The following WWOX variants were observed in gnomAD, a reference collection of about 807,000 sequenced individuals.
The protein encoded by WWOX is WW domain containing oxidoreductase, also known as WW domain-containing oxidoreductase.
A neutral mutation model predicts 46.2 loss-of-function variants in WWOX; 69 were observed. That is an observed-to-expected ratio of 1.49 (90% CI 1.23 to 1.82). WWOX has a LOEUF of 1.82. Ranked by LOEUF, WWOX falls within the 40% of genes most tolerant of loss-of-function variation. WWOX has a pLI of 0.00. For synonymous variants in WWOX, 359 were observed against 202.6 expected (o/e 1.77, Z -6.56); for missense variants, 919 against 542.6 (o/e 1.69, Z -6.89).
At position 78,344,085 on chromosome 16, in the gene WWOX, C is replaced by A. The variant is rs1018974629; in HGVS notation, c.517-42775C>A. ...GTTCCAGAATGCCATTATTCTTCGTCACCACGGTCAGGTATATCATCCTAA... is the reference window on the plus strand; with the variant it reads ...GTTCCAGAATGCCATTATTCTTCGTAACCACGGTCAGGTATATCATCCTAA... On this transcript the variant is annotated intron_variant, in intron 5 of 8. Transcript: ENST00000566780. Among the ~76,000 whole-genome samples, 2 of 118,984 alleles carry A rather than the reference C, an allele frequency of 1.7e-5. 1 individual carries two copies. Among genetic ancestry groups the A allele is most frequent in the Admixed American group, 1.7e-4 (2 of 12,084 alleles). The allele number at this position is 118,984 out of a possible 152,430, so 78.1% of individuals were successfully genotyped here. A position where few individuals can be genotyped will look rare whatever the true frequency, so the allele number is the denominator to read the frequency against.
intron 8 of WWOX, among the ~76,000 whole-genome samples, chr16:78,640,647 A>G (rs890522097): frequency 1.3e-5 from 2 of 152,184 alleles, no homozygotes; most frequent in African/African-American, 2.4e-5. Context: ...AGTTGGTGAA[A>G]GAAAGAAGGG....
intron 5 of WWOX, chr16:78,168,325 C>G (rs1477216056): frequency 6.6e-6 from 1 of 152,204 alleles, no homozygotes; most frequent in Non-Finnish European, 1.5e-5. Context: ...GAATGCTATT[C>G]TCACATCCAC....
intron 8 of WWOX, among the ~76,000 whole-genome samples, chr16:78,930,086 C>T (rs945487240): frequency 6.6e-6 from 1 of 152,042 alleles, no homozygotes; most frequent in Non-Finnish European, 1.5e-5. Flanking sequence ...GCCTTCTTCA[C>T]ACTCCTCCTT....
chr16:79,145,064 T>C (rs571775411), intron 8 of WWOX, among the ~76,000 whole-genome samples: 162 of 152,328 alleles, frequency 1.1e-3, no homozygotes, highest in Non-Finnish European at 1.5e-3. Context: ...AGCGCGTTCT[T>C]GGATTTTGTT....
At chr16:78,402,805 C>G (rs896544660) in intron 6 of WWOX, among the ~76,000 whole-genome samples, 2 of 152,202 alleles carry the variant, frequency 1.3e-5, no homozygotes, top group Admixed American at 6.5e-5. Context: ...GGAAATAATT[C>G]TAACCAATCA....
At chr16:78,822,262 G>A (rs1176852176) in intron 8 of WWOX, among the ~76,000 whole-genome samples, 1 of 152,180 alleles carries the variant, frequency 6.6e-6, no homozygotes, top group Non-Finnish European at 1.5e-5. Context: ...AGGAGGCCAA[G>A]GTGGGTGGGT....
chr16:78,410,431 C>T (rs1303463612), intron 6 of WWOX, among the ~76,000 whole-genome samples: 1 of 151,992 alleles, frequency 6.6e-6, no homozygotes, highest in Admixed American at 6.6e-5. Context: ...TTATTTTTCC[C>T]AGTTACTATT....
chr16:78,920,401 C>T (rs1263097930), intron 8 of WWOX, among the ~76,000 whole-genome samples: 1 of 152,166 alleles, frequency 6.6e-6, no homozygotes, highest in Non-Finnish European at 1.5e-5. Flanking sequence ...TGACTGTTTT[C>T]TGTCTTGCTG....
intron 8 of WWOX, among the ~76,000 whole-genome samples, chr16:78,487,087 C>T (rs925811733): frequency 6.6e-6 from 1 of 152,186 alleles, no homozygotes; most frequent in African/African-American, 2.4e-5. Context: ...TTAAGGACAA[C>T]AGTATTTTGC....
At position 78,931,977 on chromosome 16, in the gene WWOX, C is replaced by G. The variant is rs145442714; in HGVS notation, c.1057-279631C>G. On this transcript the variant is annotated intron_variant, in intron 8 of 8. Transcript: ENST00000566780. ...AGGGCAGTTCCCCTGCACAAACTCT[C>G]TTGCCTGCTGCCATTTAAGACATGT... is the stretch of plus-strand genomic sequence containing the variant. Among the ~76,000 whole-genome samples, 20 of 152,356 alleles carry G rather than the reference C, an allele frequency of 1.3e-4. No individual in the cohort carries two copies. In the East Asian group the frequency reaches 3.9e-3, roughly 29 times the overall value.
At chr16:78,294,941 C>T (rs947825574) in intron 5 of WWOX, among the ~76,000 whole-genome samples, 2 of 152,190 alleles carry the variant, frequency 1.3e-5, no homozygotes, top group Non-Finnish European at 2.9e-5. Flanking sequence ...AGATACGCGA[C>T]TTTCTACTTT....
intron 8 of WWOX, among the ~76,000 whole-genome samples, chr16:78,972,980 C>G (rs1046457896): frequency 6.6e-6 from 1 of 152,162 alleles, no homozygotes; most frequent in Non-Finnish European, 1.5e-5. Flanking sequence ...GTAATTGATT[C>G]ATAAGATCCC....
chr16:78,943,636 C>T (rs1043934017), intron 8 of WWOX, among the ~76,000 whole-genome samples: 2 of 152,172 alleles, frequency 1.3e-5, no homozygotes, highest in African/African-American at 4.8e-5. Flanking sequence ...CCGTCAATGG[C>T]CTGGACGCAG....
intron 5 of WWOX, among the ~76,000 whole-genome samples, chr16:78,306,841 C>T (rs754329172): frequency 2.0e-5 from 3 of 152,030 alleles, no homozygotes; most frequent in Non-Finnish European, 4.4e-5. Context: ...TCACTCCTTC[C>T]CACAATCCCC....
intron 8 of WWOX, among the ~76,000 whole-genome samples, chr16:78,814,396 A>G (rs2051277211): frequency 6.6e-6 from 1 of 152,212 alleles, no homozygotes; most frequent in Non-Finnish European, 1.5e-5. Flanking sequence ...TATGTTAAAA[A>G]ATACGATGTT....
chr16:78,762,979 G>T (rs138713049), intron 8 of WWOX, among the ~76,000 whole-genome samples: 16 of 151,692 alleles, frequency 1.1e-4, no homozygotes, highest in Admixed American at 6.6e-4. Flanking sequence ...TTTTCCTGGT[G>T]GGGGGACCAG....
chr16:78,114,123 G>C (rs1183045991), intron 3 of WWOX, among the ~76,000 whole-genome samples: 3 of 147,412 alleles, frequency 2.0e-5, no homozygotes, highest in East Asian at 4.0e-4. Flanking sequence ...GGTTACCCAG[G>C]GTCTTGGTCT....
chr16:78,210,852 G>A (rs545001079), intron 5 of WWOX, among the ~76,000 whole-genome samples: 1 of 152,184 alleles, frequency 6.6e-6, no homozygotes, highest in South Asian at 2.1e-4. Flanking sequence ...ATTCTCTAAG[G>A]CAGTGTTAAT....
At chr16:78,383,564 C>CAG (rs2082000040) in intron 5 of WWOX, among the ~76,000 whole-genome samples, 1 of 152,180 alleles carries the variant, frequency 6.6e-6, no homozygotes, top group African/African-American at 2.4e-5. Flanking sequence ...TGCAATCTGT[C>CAG]AGCCACTACC....
Sources: gnomAD v4.1 joint callset for allele counts (sites outside exome capture counted in the v4.1 genomes callset) on GRCh38, gnomAD v4.1.1 for gene constraint, MANE v1.5 for transcripts, NCBI Gene and HGNC (gene_info 2026-07-23, HGNC 2026-07-21) for gene names.